SND1: variants seen among roughly 807,000 people sequenced by gnomAD.
SND1 encodes staphylococcal nuclease and tudor domain containing 1.
Under a neutral mutation model 121.7 loss-of-function variants are expected in SND1, and 38 were observed. That is an observed-to-expected ratio of 0.31 (90% CI 0.24 to 0.41). SND1 has a LOEUF of 0.41. Ranked by LOEUF, SND1 falls within the 10% of genes least tolerant of loss-of-function variation. SND1 has a pLI of 1.00. For synonymous variants in SND1, 401 were observed against 447.4 expected (o/e 0.90, Z 1.31); for missense variants, 868 against 1,184.6 (o/e 0.73, Z 3.92).
At chr7:128,046,562 G>A (rs529648969) in intron 16 of SND1, among the ~76,000 whole-genome samples, 1 of 151,614 alleles carries the variant, frequency 6.6e-6, no homozygotes, top group Non-Finnish European at 1.5e-5. Context: ...TGGGGTGTCA[G>A]CATGTTGGCC....
chr7:127,758,769 G>A (rs1563003097), intron 10 of SND1, among the ~76,000 whole-genome samples: 1 of 152,066 alleles, frequency 6.6e-6, no homozygotes, highest in Non-Finnish European at 1.5e-5. Context: ...TTTTAAAGTA[G>A]CAGGCTAGGC....
intron 16 of SND1, among the ~76,000 whole-genome samples, chr7:127,996,918 T>G (rs1003850889): frequency 6.6e-6 from 1 of 152,244 alleles, no homozygotes; most frequent in Non-Finnish European, 1.5e-5. Context: ...ACCAGTGGTC[T>G]TTAATTTCAA....
intron 16 of SND1, among the ~76,000 whole-genome samples, chr7:128,013,076 G>A (rs1803150396): frequency 6.6e-6 from 1 of 152,066 alleles, no homozygotes; most frequent in Non-Finnish European, 1.5e-5. Flanking sequence ...AGTCAGCGTT[G>A]GTCCCACACT....
rs539269556 is a variant in SND1, at chr7:128,034,549, C to A, written c.1780-39953C>A. Among the ~76,000 whole-genome samples the A allele has an allele frequency of 4.6e-4, 70 of 152,332 alleles. 2 individuals carry two copies. The highest frequency in any genetic ancestry group is 6.8e-3 in the Middle Eastern group (2 of 294). On this transcript the variant is annotated intron_variant, in intron 16 of 23. Coordinates refer to ENST00000354725, the MANE Select transcript of SND1 (RefSeq NM_014390.4). The stretch of plus-strand genomic sequence containing the variant: ...CTGCTACTGTAGGCAAACTCAAACC[C>A]TGTCTGTTCAGCTCCAGGCTCCACA...
chr7:127,846,597 G>A, intron 12 of SND1, among the ~76,000 whole-genome samples: 1 of 152,178 alleles, frequency 6.6e-6, no homozygotes, highest in Non-Finnish European at 1.5e-5. Flanking sequence ...CAATGAATTT[G>A]TTGAGTGATT....
chr7:127,836,957 T>C (rs1292716049), intron 11 of SND1, among the ~76,000 whole-genome samples: 1 of 152,208 alleles, frequency 6.6e-6, no homozygotes, highest in Non-Finnish European at 1.5e-5. Flanking sequence ...AGTGTATAAA[T>C]TTATCCTCAC....
At chr7:127,731,842 C>G (rs75937708) in intron 10 of SND1, among the ~76,000 whole-genome samples, 283 of 152,318 alleles carry the variant, frequency 1.9e-3, no homozygotes, top group African/African-American at 6.7e-3. Flanking sequence ...CTAAAAGATA[C>G]AAATTAGTCC....
At position 127,866,294 on chromosome 7, in the gene SND1, A is replaced by G. The variant is rs141661894; in HGVS notation, c.1344-21608A>G. Among the ~76,000 whole-genome samples the G allele has an allele frequency of 1.1e-3, 173 of 152,356 alleles. 1 individual carries two copies. The highest frequency in any genetic ancestry group is 3.4e-3 in the Middle Eastern group (1 of 294). ...TATTCCAGATGTGCTTTAAGTAGGCATAGTCATTCATATTTAATGAGTTAC... is the reference window on the plus strand; with the variant it reads ...TATTCCAGATGTGCTTTAAGTAGGCGTAGTCATTCATATTTAATGAGTTAC... On this transcript the variant is annotated intron_variant, in intron 12 of 23. Transcript: ENST00000354725.
At position 128,029,774 on chromosome 7, in the gene SND1, C is replaced by T. The variant is rs758070119; in HGVS notation, c.1779+38718C>T. ...GTAGATGCAACTCCACCAGGTACCT[C>T]AGCGGGGTAAAGAGGTCATGGGGCA... On this transcript the variant is annotated intron_variant, in intron 16 of 23. Transcript: ENST00000354725. The surrounding 1 kb of genome is among the most constrained non-coding windows in gnomAD (Gnocchi z 4.2). 6.2e-7 allele frequency: 1 copy of T among 1,613,434 alleles called. No individual in the cohort carries two copies. The highest frequency in any genetic ancestry group is 1.1e-5 in the South Asian group (1 of 91,046).
intron 11 of SND1, 30 bp from the exon 12 acceptor site, chr7:127,844,294 A>G (rs764465378): frequency 1.6e-5 from 26 of 1,589,254 alleles, no homozygotes; most frequent in Non-Finnish European, 2.2e-5. Flanking sequence ...CAGACTCTCA[A>G]CCCTAATTCC....
intron 13 of SND1, 128 bp downstream of exon 13, chr7:127,888,140 T>C (rs1799945963): frequency 1.7e-6 from 1 of 575,444 alleles, no homozygotes; most frequent in African/African-American, 1.9e-5. Flanking sequence ...ATTATTATTC[T>C]AGATTTTCCC....
intron 15 of SND1, among the ~76,000 whole-genome samples, chr7:127,945,490 CA>C (rs578192207): frequency 3.6e-4 from 52 of 142,698 alleles, no homozygotes; most frequent in Admixed American, 4.2e-4. Flanking sequence ...GACTCCATCT[CA>C]AAAAAAAAAA....
rs565290017 is a variant in SND1, at chr7:128,030,074, C to T, written c.1779+39018C>T. Reference sequence around the variant, plus strand: ...GGTTGAACAGCCCCTCAAAAGCTCCCTCAGAGATATACTCCAGCTTCTTGA... The same window carrying T: ...GGTTGAACAGCCCCTCAAAAGCTCCTTCAGAGATATACTCCAGCTTCTTGA... On this transcript the variant is annotated intron_variant, in intron 16 of 23. Transcript: ENST00000354725. 2.5e-6 allele frequency: 4 copies of T among 1,613,434 alleles called. No homozygotes were observed. The African/African-American group carries it at 5.3e-5, about 22-fold the overall frequency.
At chr7:127,801,840 G>C (rs1240040073) in intron 10 of SND1, among the ~76,000 whole-genome samples, 1 of 152,002 alleles carries the variant, frequency 6.6e-6, no homozygotes. Flanking sequence ...AAAAATTCAT[G>C]TATAGAACTC....
chr7:127,842,999 A>G (rs910795911), intron 11 of SND1, among the ~76,000 whole-genome samples: 8 of 152,196 alleles, frequency 5.3e-5, no homozygotes, highest in African/African-American at 1.7e-4. Context: ...GAATGTTGCA[A>G]ACCTCTTCTC....
intron 16 of SND1, chr7:128,030,455 C>G (rs745350732): frequency 6.2e-7 from 1 of 1,613,638 alleles, no homozygotes. Context: ...GGCCCCGGCG[C>G]GTGCACACCA....
intron 17 of SND1, among the ~76,000 whole-genome samples, chr7:128,076,418 C>G (rs77653680): frequency 6.6e-6 from 1 of 152,178 alleles, no homozygotes; most frequent in Non-Finnish European, 1.5e-5. Flanking sequence ...TAGGGCCTGC[C>G]GCCTCCTGGG....
intron 15 of SND1, among the ~76,000 whole-genome samples, chr7:127,933,598 G>C (rs1028517775): frequency 2.6e-5 from 4 of 152,204 alleles, no homozygotes; most frequent in African/African-American, 9.7e-5. Flanking sequence ...ACTGGGAATT[G>C]TTTCCTGCCT....
Position 128,085,355 on chromosome 7 carries a change from C to T in SND1, c.2235-356C>T, listed in dbSNP as rs1005927577. Among the ~76,000 whole-genome samples the T allele has an allele frequency of 3.9e-5, 6 of 152,192 alleles. No homozygotes were observed. Among genetic ancestry groups the T allele is most frequent in the Non-Finnish European group, 2.9e-5 (2 of 68,028 alleles). On this transcript the variant is annotated intron_variant, in intron 19 of 23. Transcript: ENST00000354725. This position sits in a 1 kb window ranked among gnomAD's most constrained non-coding sequence, Gnocchi z 4.4. Reference sequence around the variant, plus strand: ...TGACGAAGTGACTTGGATATGTTCCCTGCTGCGGCCTCCCAGGCAGATCTG... The same window carrying T: ...TGACGAAGTGACTTGGATATGTTCCTTGCTGCGGCCTCCCAGGCAGATCTG...
Sources: gnomAD v4.1 joint callset for allele counts (sites outside exome capture counted in the v4.1 genomes callset) on GRCh38, gnomAD v4.1.1 for gene constraint, Gnocchi (gnomAD v3.1) non-coding constraint, MANE v1.5 for transcripts, NCBI Gene and HGNC (gene_info 2026-07-23, HGNC 2026-07-21) for gene names.